ANXA8: variants seen among roughly 807,000 people sequenced by gnomAD.
ANXA8 encodes the protein annexin A8, also known as VAC-beta.
In ANXA8, 9 loss-of-function variants were observed where a neutral mutation model predicts 26.8. The observed-to-expected ratio is 0.34, with a 90% CI of 0.20 to 0.59. The LOEUF is 0.59. Among genes scored for constraint, ANXA8 ranks in the 20% least tolerant of loss-of-function variants. The pLI is 0.84. For missense variants in ANXA8, 83 were observed against 238.5 expected, an observed-to-expected ratio of 0.35 and a Z score of 4.29; for synonymous variants, 39 against 94.8, an observed-to-expected ratio of 0.41 and a Z score of 3.42.
chr10:47,959,892 G>T, the ANXA8 span, among the ~76,000 whole-genome samples: 256 of 151,552 alleles, frequency 1.7e-3, no homozygotes, highest in African/African-American at 5.1e-3. Flanking sequence ...CTGCCTTTCT[G>T]ATCCAGATGC....
chr10:47,918,436 AG>A, the ANXA8 span, among the ~76,000 whole-genome samples: 1 of 56,310 alleles, frequency 1.8e-5, no homozygotes, highest in Non-Finnish European at 3.9e-5. Context: ...AAAGAAAGAG[AG>A]AGAGAAAGAC....
At chr10:47,743,339 T>TATACACATATATATATAC in the ANXA8 span, among the ~76,000 whole-genome samples, 1 of 59,272 alleles carries the variant, frequency 1.7e-5, no homozygotes, top group Non-Finnish European at 3.2e-5. Context: ...CATATATATA[T>TATACACATATATATATAC]ACATATATAT....
At chr10:47,949,759 T>TGTTTAGTTCATGA in the ANXA8 span, among the ~76,000 whole-genome samples, 1 of 148,106 alleles carries the variant, frequency 6.8e-6, no homozygotes, top group African/African-American at 2.5e-5. Flanking sequence ...GCCAGAGTTA[T>TGTTTAGTTCATGA]AGCTAATGAA....
At chr10:47,675,455 G>A in the ANXA8 span, among the ~76,000 whole-genome samples, 1 of 151,798 alleles carries the variant, frequency 6.6e-6, no homozygotes, top group Non-Finnish European at 1.5e-5. Flanking sequence ...GCAGGTCTCT[G>A]TAATTTTACC....
At chr10:47,587,228 T>C in the ANXA8 span, among the ~76,000 whole-genome samples, 4 of 148,372 alleles carry the variant, frequency 2.7e-5, no homozygotes, top group Non-Finnish European at 4.4e-5. Context: ...TAAAAATTCC[T>C]GGAAATGGAT....
chr10:47,970,281 C>G, the ANXA8 span: 5 of 151,426 alleles, frequency 3.3e-5, no homozygotes, highest in African/African-American at 9.7e-5. Flanking sequence ...GTGGCTCATC[C>G]CACTGGGGCC....
At chr10:47,980,032 CA>C in the ANXA8 span, among the ~76,000 whole-genome samples, 9 of 150,616 alleles carry the variant, frequency 6.0e-5, no homozygotes, top group East Asian at 9.8e-4. Context: ...ATCCATAAAA[CA>C]AAATGCAGTA....
chr10:47,977,752 G>T, the ANXA8 span, among the ~76,000 whole-genome samples: 22 of 151,722 alleles, frequency 1.5e-4, no homozygotes, highest in South Asian at 3.1e-3. Context: ...TTGAATATGG[G>T]TCAATTGAGA....
At chr10:47,748,431 T>C in the ANXA8 span, among the ~76,000 whole-genome samples, 1 of 151,804 alleles carries the variant, frequency 6.6e-6, no homozygotes. Flanking sequence ...CAGGTTGGTC[T>C]CAAACTTCTG....
At chr10:47,648,429 C>G in the ANXA8 span, among the ~76,000 whole-genome samples, 2 of 150,174 alleles carry the variant, frequency 1.3e-5, no homozygotes, top group African/African-American at 5.0e-5. Flanking sequence ...TTACAGAGAC[C>G]TCAGTATTTT....
chr10:47,558,008 A>G, the ANXA8 span, among the ~76,000 whole-genome samples: 1 of 151,934 alleles, frequency 6.6e-6, no homozygotes, highest in South Asian at 2.1e-4. Context: ...ACTTGAGCAT[A>G]CTAAGGAATA....
the ANXA8 span, among the ~76,000 whole-genome samples, chr10:47,590,960 C>G: frequency 7.3e-6 from 1 of 136,656 alleles, no homozygotes; most frequent in Non-Finnish European, 1.5e-5. Flanking sequence ...GTATTTTCAG[C>G]AAAACATGAA....
the ANXA8 span, among the ~76,000 whole-genome samples, chr10:47,552,453 T>A: frequency 4.6e-5 from 7 of 151,996 alleles, no homozygotes. Flanking sequence ...CAATAAAAAA[T>A]TTAAAACGTT....
chr10:47,729,612 A>T, the ANXA8 span, among the ~76,000 whole-genome samples: 1 of 151,430 alleles, frequency 6.6e-6, no homozygotes, highest in Non-Finnish European at 1.5e-5. Context: ...AAATGAATAT[A>T]TGCATAAGTA....
the ANXA8 span, chr10:47,970,211 A>C: frequency 6.6e-6 from 1 of 151,400 alleles, no homozygotes; most frequent in African/African-American, 2.4e-5. Context: ...GCAGGTGTCC[A>C]ATAGCTGCCT....
At chr10:47,982,798 A>T in the ANXA8 span, among the ~76,000 whole-genome samples, 2 of 68,946 alleles carry the variant, frequency 2.9e-5, no homozygotes, top group Non-Finnish European at 5.9e-5. Flanking sequence ...AGTATTTGCA[A>T]ATCATATATA....
the ANXA8 span, among the ~76,000 whole-genome samples, chr10:47,666,335 G>C: frequency 6.6e-6 from 1 of 150,608 alleles, no homozygotes; most frequent in Non-Finnish European, 1.5e-5. Flanking sequence ...TATGAAAAAG[G>C]ATCTCAGTTA....
chr10:47,554,055 T>C, the ANXA8 span, among the ~76,000 whole-genome samples: 1 of 149,318 alleles, frequency 6.7e-6, no homozygotes, highest in East Asian at 2.0e-4. Context: ...GAGGATTGCT[T>C]GAGCCCAGGA....
the ANXA8 span, among the ~76,000 whole-genome samples, chr10:47,650,755 G>A: frequency 6.8e-6 from 1 of 147,876 alleles, no homozygotes. Context: ...TGCAGTGAGT[G>A]GAGATCGCAC....
Sources: allele counts gnomAD v4.1 joint callset (sites outside exome capture counted in the v4.1 genomes callset), GRCh38; gene constraint gnomAD v4.1.1; transcripts MANE v1.5; gene names NCBI Gene and HGNC (gene_info 2026-07-23, HGNC 2026-07-21).